NCKAP5: variants seen among roughly 807,000 people sequenced by gnomAD.
NCKAP5 encodes NCK associated protein 5, also known as nck-associated protein 5.
In NCKAP5, 92 loss-of-function variants were observed where a neutral mutation model predicts 167.0. The observed-to-expected ratio is 0.55, with a 90% CI of 0.47 to 0.66. NCKAP5 has a LOEUF of 0.66. Among genes scored for constraint, NCKAP5 ranks in the 30% least tolerant of loss-of-function variants. The pLI is 0.00. For synonymous variants in NCKAP5, 891 were observed against 877.4 expected (o/e 1.02, Z -0.27); for missense variants, 2,378 against 2,315.0 (o/e 1.03, Z -0.56).
chr2:133,245,862 T>A (rs1329801906), intron 4 of NCKAP5, among the ~76,000 whole-genome samples: 19 of 133,892 alleles, frequency 1.4e-4, no homozygotes, highest in African/African-American at 5.1e-4. Context: ...AGTTTATAAC[T>A]CAGAGCAAAA....
chr2:133,638,740 C>T, the NCKAP5 span, among the ~76,000 whole-genome samples: 1 of 151,670 alleles, frequency 6.6e-6, no homozygotes, highest in Non-Finnish European at 1.5e-5. Flanking sequence ...GCACCTGTAA[C>T]CCCAGCTACT....
the NCKAP5 span, among the ~76,000 whole-genome samples, chr2:133,604,968 C>CTA: frequency 6.6e-6 from 1 of 152,218 alleles, no homozygotes; most frequent in Non-Finnish European, 1.5e-5. Flanking sequence ...GATGAGAAGG[C>CTA]TATCGCCTTC....
intron 7 of NCKAP5, among the ~76,000 whole-genome samples, chr2:132,990,497 C>A (rs2077419430): frequency 6.6e-6 from 1 of 152,180 alleles, no homozygotes; most frequent in South Asian, 2.1e-4. Flanking sequence ...CCCAGTCCCT[C>A]AAATCTGAGA....
chr2:133,453,103 G>C (rs80181240), intron 3 of NCKAP5, among the ~76,000 whole-genome samples: 2,388 of 152,152 alleles, frequency 0.016, 66 homozygotes, highest in African/African-American at 0.055. Context: ...GAAAACAATA[G>C]AACTTGAAGT....
chr2:132,914,443 T>C (rs1262668592), intron 8 of NCKAP5, among the ~76,000 whole-genome samples: 1 of 151,926 alleles, frequency 6.6e-6, no homozygotes, highest in Non-Finnish European at 1.5e-5. Context: ...TTTGGGGAAA[T>C]TTTAACTGAT....
At chr2:132,990,377 T>C (rs2077415689) in intron 7 of NCKAP5, among the ~76,000 whole-genome samples, 1 of 152,216 alleles carries the variant, frequency 6.6e-6, no homozygotes, top group African/African-American at 2.4e-5. Context: ...TCAGGCATCT[T>C]TGCATCTCTG....
chr2:133,129,050 T>C (rs987969871), intron 6 of NCKAP5, among the ~76,000 whole-genome samples: 2 of 151,128 alleles, frequency 1.3e-5, no homozygotes, highest in African/African-American at 2.4e-5. Flanking sequence ...TGTCTTAAAA[T>C]AGGATTGCGA....
the NCKAP5 span, among the ~76,000 whole-genome samples, chr2:133,603,684 A>G: frequency 3.3e-5 from 5 of 152,002 alleles, no homozygotes; most frequent in African/African-American, 1.2e-4. Context: ...GATTGCAGGC[A>G]TGCACCACCT....
intron 6 of NCKAP5, among the ~76,000 whole-genome samples, chr2:133,059,518 C>T (rs1431158455): frequency 6.6e-6 from 1 of 151,054 alleles, no homozygotes; most frequent in East Asian, 2.0e-4. Flanking sequence ...AAAAAAATTA[C>T]AAAAATTAAC....
chr2:133,380,565 A>C (rs942207468), intron 3 of NCKAP5, among the ~76,000 whole-genome samples: 12 of 152,230 alleles, frequency 7.9e-5, no homozygotes, highest in Non-Finnish European at 1.8e-4. Flanking sequence ...TATTTTTCCA[A>C]GGTAAGTAGC....
intron 7 of NCKAP5, among the ~76,000 whole-genome samples, chr2:132,979,161 ATTG>A (rs536826988): frequency 3.2e-4 from 48 of 152,302 alleles, no homozygotes; most frequent in African/African-American, 1.1e-3. Context: ...ACACTTGCTA[ATTG>A]TTCAACTTTT....
At chr2:133,116,564 A>G (rs1349523599) in intron 6 of NCKAP5, among the ~76,000 whole-genome samples, 11 of 152,016 alleles carry the variant, frequency 7.2e-5, no homozygotes, top group Non-Finnish European at 1.6e-4. Flanking sequence ...ATTAATAAAT[A>G]CACTGATATA....
intron 13 of NCKAP5, among the ~76,000 whole-genome samples, chr2:132,787,698 T>G (rs1683703324): frequency 6.6e-6 from 1 of 152,178 alleles, no homozygotes; most frequent in African/African-American, 2.4e-5. Flanking sequence ...CTGCCCCACT[T>G]CCTCTTCCCT....
At chr2:132,795,749 G>C (rs1196896970) in intron 12 of NCKAP5, among the ~76,000 whole-genome samples, 1 of 150,562 alleles carries the variant, frequency 6.6e-6, no homozygotes. Context: ...AACCCAGGAG[G>C]TGGAGGTTGC....
intron 6 of NCKAP5, among the ~76,000 whole-genome samples, chr2:133,092,683 C>T (rs2081224513): frequency 6.6e-6 from 1 of 152,132 alleles, no homozygotes; most frequent in African/African-American, 2.4e-5. Context: ...TTCCCAAGAA[C>T]TTATCTACTG....
rs111612215 is a variant in NCKAP5, at chr2:132,675,042, C to G, written c.5714-1737G>C. Among the ~76,000 whole-genome samples, 1,510 of 152,324 alleles carry G rather than the reference C, an allele frequency of 9.9e-3. 21 individuals are homozygous for G. Among genetic ancestry groups the G allele is most frequent in the African/African-American group, 0.033 (1,357 of 41,566 alleles). The stretch of plus-strand genomic sequence containing the variant: ...TAAATGGCATTCAATGCAATTTTCT[C>G]TTTACCTGGATGTCTTCTCCATTTT... On this transcript the variant is annotated intron_variant, in intron 19 of 19. Transcript: ENST00000409261.
intron 6 of NCKAP5, among the ~76,000 whole-genome samples, chr2:133,092,108 T>C (rs550662286): frequency 1.3e-4 from 20 of 152,180 alleles, no homozygotes; most frequent in Non-Finnish European, 2.8e-4. Context: ...GTGTCTCCTG[T>C]AAAATTCATG....
At chr2:133,275,132 A>T (rs2089673238) in intron 4 of NCKAP5, among the ~76,000 whole-genome samples, 1 of 152,094 alleles carries the variant, frequency 6.6e-6, no homozygotes, top group African/African-American at 2.4e-5. Flanking sequence ...CATAGAAGAT[A>T]GTTAAGTGGC....
chr2:132,821,184 A>G (rs548127406), intron 11 of NCKAP5, among the ~76,000 whole-genome samples: 4 of 152,200 alleles, frequency 2.6e-5, no homozygotes, highest in Non-Finnish European at 5.9e-5. Flanking sequence ...AAATTCCATG[A>G]AACAGGTGAA....
Sources: gnomAD v4.1 joint callset for allele counts (sites outside exome capture counted in the v4.1 genomes callset) on GRCh38, gnomAD v4.1.1 for gene constraint, MANE v1.5 for transcripts, NCBI Gene and HGNC (gene_info 2026-07-23, HGNC 2026-07-21) for gene names.